Variants in CSMD3 observed in about 807,000 individuals in gnomAD.
CSMD3 encodes CUB and sushi domain-containing protein 3.
Under a neutral mutation model 435.2 loss-of-function variants are expected in CSMD3, and 177 were observed. The observed-to-expected ratio is 0.41, with a 90% CI of 0.36 to 0.46. The LOEUF is 0.46. Ranked by LOEUF, CSMD3 falls within the 20% of genes least tolerant of loss-of-function variation. The pLI, the probability that CSMD3 is intolerant of heterozygous loss-of-function variation, is 0.34. For missense variants in CSMD3, 4,265 were observed against 4,504.6 expected (o/e 0.95, Z 1.52); for synonymous variants, 1,656 against 1,520.5 (o/e 1.09, Z -2.07).
chr8:112,244,022 G>A (rs533112713), intron 65 of CSMD3, among the ~76,000 whole-genome samples: 1 of 152,020 alleles, frequency 6.6e-6, no homozygotes, highest in Non-Finnish European at 1.5e-5. Flanking sequence ...GAGGGCACAA[G>A]GTCCTGCTGA....
chr8:112,297,324 A>G (rs1820411274), intron 53 of CSMD3, among the ~76,000 whole-genome samples: 1 of 151,826 alleles, frequency 6.6e-6, no homozygotes, highest in Non-Finnish European at 1.5e-5. Flanking sequence ...TCATAAACAG[A>G]GATACAAACC....
chr8:112,632,692 A>G lies in CSMD3; in HGVS notation c.3715+4125T>C, dbSNP rs540337257. Among the ~76,000 whole-genome samples, 66 of 152,202 alleles carry G rather than the reference A, an allele frequency of 4.3e-4. No individual in the cohort carries two copies. The South Asian group carries it at 0.011, about 25-fold the overall frequency. ...CTGATTTAAAAAGATAGCAACGTAA[A>G]TGACAGTGTTTTTGTAATGTAAACT... On this transcript the variant is annotated intron_variant, in intron 22 of 70. Coordinates refer to ENST00000297405, the MANE Select transcript of CSMD3 (RefSeq NM_198123.2).
chr8:112,873,921 T>C (rs947820770), intron 10 of CSMD3, among the ~76,000 whole-genome samples: 2 of 152,154 alleles, frequency 1.3e-5, no homozygotes, highest in African/African-American at 4.8e-5. Flanking sequence ...TCAGTTCTGC[T>C]GTGATCTTAG....
At position 112,241,750 on chromosome 8, in the gene CSMD3, C is replaced by A; in HGVS notation, c.10438G>T (p.Ala3480Ser). ...AGCTTTGGGCTGGGTGTTCCCAGTG[C>A]AGGTCTAGGATCTTTCACCAATATT... ...SKILVKDPRP[A>S]LGTPSPKLSV... Residue 3480 changes from alanine to serine, a missense_variant, in exon 66 of 71, where the codon GCA becomes TCA. Coordinates refer to ENST00000297405, the MANE Select transcript of CSMD3 (RefSeq NM_198123.2). 1 of 1,612,682 alleles carries A rather than the reference C, an allele frequency of 6.2e-7. No individual in the cohort carries two copies. Among genetic ancestry groups the A allele is most frequent in the Non-Finnish European group, 8.5e-7 (1 of 1,178,996 alleles).
rs1371347718 is a variant in CSMD3 at position 112,650,380 on chromosome 8, A to G, written c.3005-31T>C. 4 of 1,557,024 alleles carry G rather than the reference A, an allele frequency of 2.6e-6. No homozygotes were observed. In the South Asian group the frequency reaches 4.5e-5, roughly 17 times the overall value. On this transcript the variant is annotated intron_variant, in intron 18 of 70. Transcript: ENST00000297405. The stretch of plus-strand genomic sequence containing the variant: ...AAACAAAGGGAAGAAAATAAAGAGT[A>G]AGCTTGGTGGGATTTGGAGTTGCTG...
At chr8:112,885,525 C>T (rs939056077) in intron 10 of CSMD3, among the ~76,000 whole-genome samples, 3 of 151,518 alleles carry the variant, frequency 2.0e-5, no homozygotes, top group African/African-American at 4.8e-5. Flanking sequence ...ATATGTAATT[C>T]CTCCATACTA....
intron 35 of CSMD3, among the ~76,000 whole-genome samples, chr8:112,405,921 T>C (rs961065705): frequency 2.6e-5 from 4 of 152,086 alleles, no homozygotes; most frequent in Non-Finnish European, 5.9e-5. Flanking sequence ...GTCTGAGAAC[T>C]GTAGTGGACA....
intron 28 of CSMD3, among the ~76,000 whole-genome samples, chr8:112,511,089 A>T (rs1274760366): frequency 6.6e-6 from 1 of 152,208 alleles, no homozygotes; most frequent in Admixed American, 6.5e-5. Flanking sequence ...CCCCCACAAT[A>T]AACCAAATAT....
chr8:112,998,613 C>T (rs1425115157), intron 6 of CSMD3, among the ~76,000 whole-genome samples: 2 of 151,906 alleles, frequency 1.3e-5, no homozygotes, highest in Admixed American at 6.6e-5. Flanking sequence ...CAAGTTTGTC[C>T]AGGGTTTTCC....
rs1484449953 is a variant in CSMD3, at chr8:112,255,321, T to C, written c.9969A>G (p.Leu3323=). The stretch of plus-strand genomic sequence containing the variant: ...GACATATTCTGGTGCTTGATCCCAC[T>C]AATATGAAAGGAAAATTGCAGCTGA... ...VSFSCNFPFI[L]VGSSTRICQA... is the part of the protein sequence containing the mutation. The change falls in exon 62 of 71, where the codon TTA becomes TTG. Residue 3323 remains leucine, a synonymous_variant. Transcript: ENST00000297405. 5 of 1,613,492 alleles carry C rather than the reference T, an allele frequency of 3.1e-6. No homozygotes were observed. Among genetic ancestry groups the C allele is most frequent in the Non-Finnish European group, 3.4e-6 (4 of 1,179,670 alleles).
intron 36 of CSMD3, among the ~76,000 whole-genome samples, chr8:112,388,745 T>C (rs1586958156): frequency 6.6e-6 from 1 of 152,122 alleles, no homozygotes; most frequent in Non-Finnish European, 1.5e-5. Context: ...AGTCCCTCAT[T>C]CAAAAATATG....
At chr8:112,911,807 A>G (rs1042614253) in intron 10 of CSMD3, among the ~76,000 whole-genome samples, 1 of 147,846 alleles carries the variant, frequency 6.8e-6, no homozygotes, top group African/African-American at 2.5e-5. Context: ...TATATATTAT[A>G]TATGTTATGT....
At chr8:112,611,312 C>T (rs1159278238) in intron 22 of CSMD3, among the ~76,000 whole-genome samples, 1 of 152,074 alleles carries the variant, frequency 6.6e-6, no homozygotes, top group Non-Finnish European at 1.5e-5. Flanking sequence ...AAAAGCATTT[C>T]TTATAGGTAT....
At chr8:112,811,141 T>C (rs952693412) in intron 12 of CSMD3, among the ~76,000 whole-genome samples, 1 of 143,690 alleles carries the variant, frequency 7.0e-6, no homozygotes, top group African/African-American at 2.6e-5. Context: ...ATTTGCTATA[T>C]ATTTTGATAA....
chr8:113,375,258 G>C (rs1454770926), intron 1 of CSMD3, among the ~76,000 whole-genome samples: 2 of 152,064 alleles, frequency 1.3e-5, no homozygotes, highest in South Asian at 4.2e-4. Flanking sequence ...AAAATACAGA[G>C]TTGTTACACC....
At chr8:112,452,894 A>G (rs1389916625) in intron 32 of CSMD3, among the ~76,000 whole-genome samples, 1 of 152,202 alleles carries the variant, frequency 6.6e-6, no homozygotes, top group Admixed American at 6.5e-5. Flanking sequence ...CACTGAAAAG[A>G]ATCACAAAAC....
At chr8:112,665,938 G>T (rs753254900) in intron 17 of CSMD3, among the ~76,000 whole-genome samples, 2 of 151,934 alleles carry the variant, frequency 1.3e-5, no homozygotes, top group Non-Finnish European at 2.9e-5. Context: ...CAGCACCTTC[G>T]CCTCTTGAAA....
At chr8:112,254,723 C>G (rs1815621658) in intron 62 of CSMD3, among the ~76,000 whole-genome samples, 2 of 151,836 alleles carry the variant, frequency 1.3e-5, no homozygotes, top group African/African-American at 4.8e-5. Context: ...CAGTTTTTTC[C>G]CAGAAACAGG....
At chr8:113,011,857 T>C (rs1411349974) in intron 6 of CSMD3, among the ~76,000 whole-genome samples, 1 of 151,772 alleles carries the variant, frequency 6.6e-6, no homozygotes, top group Admixed American at 6.6e-5. Context: ...ATTATTAATG[T>C]TTGATTATTT....
Sources: gnomAD v4.1 joint callset for allele counts (sites outside exome capture counted in the v4.1 genomes callset) on GRCh38, gnomAD v4.1.1 for gene constraint, MANE v1.5 for transcripts, NCBI Gene and HGNC (gene_info 2026-07-23, HGNC 2026-07-21) for gene names.